The following TNKS variants were observed in gnomAD, a reference collection of about 807,000 sequenced individuals.
TNKS encodes the protein poly [ADP-ribose] polymerase tankyrase-1.
TNKS carries 72 observed loss-of-function variants against 135.8 expected under a neutral mutation model. The observed-to-expected ratio is 0.53, with a 90% CI of 0.44 to 0.64. The LOEUF (loss-of-function observed/expected upper bound fraction) is 0.64, where lower values mean the gene tolerates loss of function less well. Among genes scored for constraint, TNKS ranks in the 30% least tolerant of loss-of-function variants. The probability of loss-of-function intolerance (pLI) is 0.00; values close to 1 mark genes in which losing one functional copy is unlikely to be tolerated. For synonymous variants in TNKS, 849 were observed against 649.3 expected, an observed-to-expected ratio of 1.31 and a Z score of -4.68; for missense variants, 1,769 against 1,674.0, an observed-to-expected ratio of 1.06 and a Z score of -0.99.
At chr8:9,688,729 T>C (rs1344610575) in intron 5 of TNKS, among the ~76,000 whole-genome samples, 1 of 152,192 alleles carries the variant, frequency 6.6e-6, no homozygotes. Context: ...AAGCTCCGCC[T>C]CCTGGGTTCT....
rs1804153477 is a variant in TNKS at position 9,708,353 on chromosome 8, C to T, written c.1457-18C>T. ...ATTTTTACATCTTTTTTTATGTCAACCATTGTTTCATTGACAGATGAATTT... is the reference window on the plus strand; with the variant it reads ...ATTTTTACATCTTTTTTTATGTCAATCATTGTTTCATTGACAGATGAATTT... On this transcript the variant is annotated intron_variant, in intron 8 of 26. Transcript: ENST00000310430. The T allele has an allele frequency of 1.3e-6, 2 of 1,539,976 alleles. No homozygotes were observed. The highest frequency in any genetic ancestry group is 1.9e-4 in the Middle Eastern group (1 of 5,206).
intron 3 of TNKS, among the ~76,000 whole-genome samples, chr8:9,659,083 A>C (rs1455815845): frequency 6.6e-6 from 1 of 152,250 alleles, no homozygotes; most frequent in Non-Finnish European, 1.5e-5. Context: ...AGATTCATAA[A>C]GCAAGTCCTT....
rs1356005325 is a variant in TNKS at position 9,639,324 on chromosome 8, C to T, written c.994+23647C>T. Among the ~76,000 whole-genome samples, 3 of 152,102 alleles carry T rather than the reference C, an allele frequency of 2.0e-5. No homozygotes were observed. The East Asian group carries it at 5.8e-4, about 29-fold the overall frequency. On this transcript the variant is annotated intron_variant, in intron 3 of 26. Coordinates refer to ENST00000310430, the MANE Select transcript of TNKS (RefSeq NM_003747.3). Reference sequence around the variant, plus strand: ...ATTTACAAACTGTCAGTTGTTTAAACATAAGGAGAGTAGCTTATGAACAGT... The same window carrying T: ...ATTTACAAACTGTCAGTTGTTTAAATATAAGGAGAGTAGCTTATGAACAGT...
At chr8:9,678,511 T>C in intron 3 of TNKS, among the ~76,000 whole-genome samples, 1 of 152,348 alleles carries the variant, frequency 6.6e-6, no homozygotes, top group South Asian at 2.1e-4. Context: ...AACTTATAAC[T>C]TTATTGGTAT....
At chr8:9,626,614 T>C (rs1800063911) in intron 3 of TNKS, among the ~76,000 whole-genome samples, 1 of 152,180 alleles carries the variant, frequency 6.6e-6, no homozygotes. Context: ...CCCTGGATCT[T>C]ACGTGAATTT....
Position 9,637,616 on chromosome 8 carries a change from G to T in TNKS, c.994+21939G>T, listed in dbSNP as rs561171201. 3.4e-4 allele frequency among the ~76,000 whole-genome samples: 51 copies of T among 152,214 alleles called. No individual in the cohort carries two copies. The South Asian group carries it at 9.7e-3, about 29-fold the overall frequency. On this transcript the variant is annotated intron_variant, in intron 3 of 26. Coordinates refer to ENST00000310430, the MANE Select transcript of TNKS (RefSeq NM_003747.3). ...GCCAGTGGCAATGACAGACAGCAAT[G>T]GGACAGTATCCTTTTCTCCAGGAGA...
chr8:9,758,548 T>C (rs1449145304), intron 20 of TNKS, among the ~76,000 whole-genome samples: 1 of 152,200 alleles, frequency 6.6e-6, no homozygotes, highest in African/African-American at 2.4e-5. Context: ...ATAACAAACA[T>C]GTATTATTCC....
intron 1 of TNKS, among the ~76,000 whole-genome samples, chr8:9,570,160 G>A (rs993277825): frequency 2.0e-5 from 3 of 151,956 alleles, no homozygotes; most frequent in African/African-American, 7.3e-5. Flanking sequence ...AATAAATATA[G>A]GCCAGGTGTG....
intron 2 of TNKS, among the ~76,000 whole-genome samples, chr8:9,611,352 C>T (rs966159941): frequency 6.6e-6 from 1 of 152,092 alleles, no homozygotes; most frequent in African/African-American, 2.4e-5. Context: ...CTTTTTCTTT[C>T]AAACCTTACT....
chr8:9,634,293 TG>T (rs1289037445), intron 3 of TNKS, among the ~76,000 whole-genome samples: 3 of 151,894 alleles, frequency 2.0e-5, no homozygotes, highest in Admixed American at 1.3e-4. Flanking sequence ...AAATTGAAGA[TG>T]GGGGAAAAAC....
chr8:9,626,004 G>C (rs762575085), intron 3 of TNKS, among the ~76,000 whole-genome samples: 3 of 152,074 alleles, frequency 2.0e-5, no homozygotes, highest in Non-Finnish European at 4.4e-5. Context: ...GAGTAGTGAA[G>C]TTTCTAACTA....
chr8:9,656,202 AGAAAC>A (rs1801357498), intron 3 of TNKS, among the ~76,000 whole-genome samples: 1 of 152,232 alleles, frequency 6.6e-6, no homozygotes, highest in Non-Finnish European at 1.5e-5. Flanking sequence ...AAAAAAGAAA[AGAAAC>A]GAACAAAGCC....
At chr8:9,662,024 C>G (rs1269474680) in intron 3 of TNKS, among the ~76,000 whole-genome samples, 4 of 152,186 alleles carry the variant, frequency 2.6e-5, no homozygotes, top group African/African-American at 4.8e-5. Flanking sequence ...AAATGCAAAT[C>G]AAAACCACAA....
intron 3 of TNKS, among the ~76,000 whole-genome samples, chr8:9,644,467 C>G (rs553313178): frequency 6.6e-6 from 1 of 152,246 alleles, no homozygotes; most frequent in East Asian, 1.9e-4. Context: ...TATATTTTCA[C>G]TACTTCATTG....
Position 9,556,561 on chromosome 8 carries a change from A to C in TNKS, c.622A>C (p.Asn208His). Reference protein sequence around the residue: ...VKRLVDAANVNAKDMAGRKSS... With the variant: ...VKRLVDAANVHAKDMAGRKSS... Reference sequence around the variant, plus strand: ...GAGGCTGGTGGACGCGGCAAACGTAAATGCAAAGGACATGGCCGGCCGGAA... The same window carrying C: ...GAGGCTGGTGGACGCGGCAAACGTACATGCAAAGGACATGGCCGGCCGGAA... Residue 208 changes from asparagine to histidine, a missense_variant, in exon 1 of 27, where the codon AAT (asparagine) becomes CAT (histidine). This residue lies in a region of TNKS where 450 missense variants were observed against 304.9 expected (regional missense o/e 1.48). Coordinates refer to ENST00000310430, the MANE Select transcript of TNKS (RefSeq NM_003747.3). 1 of 1,614,042 alleles carries C rather than the reference A, an allele frequency of 6.2e-7. No individual in the cohort carries two copies. Among genetic ancestry groups the C allele is most frequent in the Non-Finnish European group, 8.5e-7 (1 of 1,180,012 alleles).
intron 22 of TNKS, among the ~76,000 whole-genome samples, chr8:9,763,477 A>C (rs1049649772): frequency 1.8e-4 from 27 of 152,122 alleles, no homozygotes; most frequent in African/African-American, 6.0e-4. Flanking sequence ...TTTATTCTGG[A>C]GATTTTCTTG....
intron 5 of TNKS, among the ~76,000 whole-genome samples, chr8:9,692,204 C>T (rs965422955): frequency 1.1e-4 from 16 of 152,178 alleles, no homozygotes; most frequent in African/African-American, 3.6e-4. Flanking sequence ...GGCCAACTCC[C>T]CTCTCAAGCA....
At chr8:9,646,271 C>T (rs1279871833) in intron 3 of TNKS, among the ~76,000 whole-genome samples, 2 of 151,682 alleles carry the variant, frequency 1.3e-5, no homozygotes, top group South Asian at 2.1e-4. Flanking sequence ...TTATTTTTTT[C>T]GCTTAGTTCT....
chr8:9,637,117 T>G (rs1800542354), intron 3 of TNKS, among the ~76,000 whole-genome samples: 1 of 152,198 alleles, frequency 6.6e-6, no homozygotes, highest in African/African-American at 2.4e-5. Context: ...TTATCTCAAA[T>G]GACTATGAGT....
Sources: gnomAD v4.1 joint callset for allele counts (sites outside exome capture counted in the v4.1 genomes callset) on GRCh38, gnomAD v4.1.1 for gene constraint, gnomAD v4.1.1 regional missense constraint, MANE v1.5 for transcripts, NCBI Gene and HGNC (gene_info 2026-07-23, HGNC 2026-07-21) for gene names.